The following GPC4 variants were observed in gnomAD, a reference collection of about 807,000 sequenced individuals.
The protein encoded by GPC4 is glypican-4.
GPC4 carries 10 observed loss-of-function variants against 35.0 expected under a neutral mutation model. That is an observed-to-expected ratio of 0.29 (90% confidence interval 0.18 to 0.48). GPC4 has a LOEUF of 0.48. GPC4 is among the 20% of genes least tolerant of loss of function. The pLI, the probability that GPC4 is intolerant of heterozygous loss-of-function variation, is 0.99. For synonymous variants in GPC4, 167 were observed against 170.2 expected (o/e 0.98, Z 0.15); for missense variants, 322 against 451.3 (o/e 0.71, Z 2.60).
intron 1 of GPC4, chrX:133,414,396 T>G: frequency 7.1e-5 from 10 of 140,888 alleles, no homozygotes; most frequent in Non-Finnish European, 1.0e-4. Flanking sequence ...TCCTCACCCA[T>G]ACAACAAAGC....
chrX:133,409,444 G>A (rs1327613165), intron 1 of GPC4, among the ~76,000 whole-genome samples: 1 of 108,243 alleles, frequency 9.2e-6, no homozygotes, highest in Admixed American at 1.0e-4. Context: ...TGTAGCACTA[G>A]TGTCTGACAG....
intron 3 of GPC4, among the ~76,000 whole-genome samples, chrX:133,321,975 A>G (rs765146857): frequency 1.8e-5 from 2 of 112,051 alleles, no homozygotes; most frequent in Non-Finnish European, 3.8e-5. Context: ...CAATCAATCA[A>G]TTAATCCTTA....
At chrX:133,408,127 T>C (rs1251448391) in intron 1 of GPC4, among the ~76,000 whole-genome samples, 1 of 112,854 alleles carries the variant, frequency 8.9e-6, no homozygotes. Flanking sequence ...AATCGCTTCA[T>C]GCATTTTCTG....
chrX:133,413,983 T>C (rs1387422929), intron 1 of GPC4, among the ~76,000 whole-genome samples: 1 of 110,683 alleles, frequency 9.0e-6, no homozygotes, highest in African/African-American at 3.3e-5. Flanking sequence ...TGCATAACCA[T>C]CTCCAAACTG....
intron 1 of GPC4, among the ~76,000 whole-genome samples, chrX:133,397,858 C>T (rs1014934101): frequency 1.4e-4 from 16 of 111,612 alleles, no homozygotes; most frequent in Admixed American, 2.9e-4. Flanking sequence ...CTCAGGAGTT[C>T]GAGACCAGCC....
In GPC4 at chrX:133,394,324, A is replaced by G. The variant is rs184131959; in HGVS notation, c.160+20482T>C. On this transcript the variant is annotated intron_variant, in intron 1 of 8. Transcript: ENST00000370828. ...TGCAGGTGAATAAGACTGGATCGTGATATGTAAAACATACCTAAGTTACTC... is the reference window on the plus strand; with the variant it reads ...TGCAGGTGAATAAGACTGGATCGTGGTATGTAAAACATACCTAAGTTACTC... Among the ~76,000 whole-genome samples, 10 of 110,407 alleles carry G rather than the reference A, an allele frequency of 9.1e-5. No homozygotes were observed. The East Asian group carries it at 2.8e-3, about 31-fold the overall frequency.
intron 3 of GPC4, 159 bp from the exon 4 acceptor site, chrX:133,311,582 TAGATA>T: frequency 1.9e-6 from 1 of 523,634 alleles, no homozygotes; most frequent in South Asian, 2.7e-5. Context: ...AGACATAGAT[TAGATA>T]AAAGATACAT....
At chrX:133,320,573 G>A (rs1243433323) in intron 3 of GPC4, among the ~76,000 whole-genome samples, 4 of 97,761 alleles carry the variant, frequency 4.1e-5, no homozygotes, top group South Asian at 5.1e-4. Flanking sequence ...GCAGTGAGTC[G>A]AGATTGCGCC....
intron 3 of GPC4, among the ~76,000 whole-genome samples, chrX:133,321,185 G>A (rs958926710): frequency 8.9e-6 from 1 of 112,143 alleles, no homozygotes; most frequent in African/African-American, 3.2e-5. Flanking sequence ...TGAGAACGAC[G>A]TCCAGAAGAA....
At chrX:133,372,664 A>G (rs2068618009) in intron 1 of GPC4, among the ~76,000 whole-genome samples, 1 of 112,226 alleles carries the variant, frequency 8.9e-6, no homozygotes, top group African/African-American at 3.2e-5. Flanking sequence ...GCTTAAGAGC[A>G]TGCACGTGTC....
chrX:133,331,548 G>A (rs1410068998), intron 2 of GPC4, among the ~76,000 whole-genome samples: 1 of 111,664 alleles, frequency 9.0e-6, no homozygotes, highest in African/African-American at 3.3e-5. Flanking sequence ...AAGGTGGGCA[G>A]ATCACCTGAG....
At chrX:133,405,237 T>C (rs1365234106) in intron 1 of GPC4, among the ~76,000 whole-genome samples, 1 of 107,900 alleles carries the variant, frequency 9.3e-6, no homozygotes, top group Non-Finnish European at 1.9e-5. Flanking sequence ...GCCTCCCGAG[T>C]AGCTGGGATT....
chrX:133,307,789 TAACAACAAC>T (rs761210187), intron 4 of GPC4, among the ~76,000 whole-genome samples: 2 of 111,632 alleles, frequency 1.8e-5, no homozygotes, highest in Non-Finnish European at 3.8e-5. Flanking sequence ...GACGTTTAAA[TAACAACAAC>T]AACAACAACA....
chrX:133,380,362 C>A (rs1358955811), intron 1 of GPC4, among the ~76,000 whole-genome samples: 1 of 100,995 alleles, frequency 9.9e-6, no homozygotes, highest in Non-Finnish European at 2.0e-5. Context: ...CCCCCACCCC[C>A]CAAAAAAGTG....
intron 1 of GPC4, among the ~76,000 whole-genome samples, chrX:133,356,306 G>A (rs981591249): frequency 6.3e-5 from 7 of 111,038 alleles, no homozygotes; most frequent in South Asian, 7.7e-4. Flanking sequence ...GTGCAGTGGC[G>A]CAATCTCAGC....
chrX:133,308,512 G>A (rs891553550), intron 4 of GPC4, among the ~76,000 whole-genome samples: 5 of 111,760 alleles, frequency 4.5e-5, no homozygotes, highest in East Asian at 2.8e-4. Flanking sequence ...ATAAACCAGC[G>A]TCTTATAAAA....
chrX:133,343,728 G>A (rs1028863741), intron 1 of GPC4, among the ~76,000 whole-genome samples: 2 of 111,288 alleles, frequency 1.8e-5, no homozygotes, highest in Non-Finnish European at 3.8e-5. Flanking sequence ...AAAATCACTC[G>A]AAAGAGCCAA....
chrX:133,394,944 T>C lies in GPC4; in HGVS notation c.160+19862A>G, dbSNP rs754306849. Among the ~76,000 whole-genome samples, 9 of 112,033 alleles carry C rather than the reference T, an allele frequency of 8.0e-5. No homozygotes were observed. In the South Asian group the frequency reaches 3.4e-3, roughly 42 times the overall value. ...ACGTAACAGCCTCCATAATACATTC[T>C]TTCTAGATTGAGCAACAACAAGAAA... On this transcript the variant is annotated intron_variant, in intron 1 of 8. Coordinates refer to ENST00000370828, the MANE Select transcript of GPC4 (RefSeq NM_001448.3).
intron 6 of GPC4, among the ~76,000 whole-genome samples, chrX:133,305,559 A>G (rs2068286896): frequency 8.9e-6 from 1 of 112,001 alleles, no homozygotes; most frequent in Non-Finnish European, 1.9e-5. Flanking sequence ...AAATTTTGAG[A>G]CAAGACTTAT....
Sources: gnomAD v4.1 joint callset for allele counts (sites outside exome capture counted in the v4.1 genomes callset) on GRCh38, gnomAD v4.1.1 for gene constraint, MANE v1.5 for transcripts, NCBI Gene and HGNC (gene_info 2026-07-23, HGNC 2026-07-21) for gene names.